NTRK1: variants seen among roughly 807,000 people sequenced by gnomAD.
The protein encoded by NTRK1 is neurotrophic receptor tyrosine kinase 1, also known as high affinity nerve growth factor receptor.
Under a neutral mutation model 86.8 loss-of-function variants are expected in NTRK1, and 62 were observed. The observed-to-expected ratio is 0.71, with a 90% confidence interval of 0.58 to 0.88. The LOEUF (loss-of-function observed/expected upper bound fraction) is 0.88. Ranked by LOEUF, NTRK1 falls within the 40% of genes least tolerant of loss-of-function variation. NTRK1 has a pLI of 0.00. For synonymous variants in NTRK1, 469 were observed against 456.6 expected (o/e 1.03, Z -0.35); for missense variants, 967 against 1,078.4 (o/e 0.90, Z 1.45).
chr1:156,815,967 G>A, intron 1 of NTRK1: 2 of 1,557,252 alleles, frequency 1.3e-6, no homozygotes, highest in Non-Finnish European at 1.7e-6. Context: ...GGAGAGATGA[G>A]GGAGCTGCAC....
rs1558104298 is a variant in NTRK1, at chr1:156,873,906, T to C, written c.1124T>C (p.Met375Thr). 1 of 1,570,740 alleles carries C rather than the reference T, an allele frequency of 6.4e-7. No homozygotes were observed. The highest frequency in any genetic ancestry group is 2.4e-5 in the East Asian group (1 of 42,286). ...TTCGGCCAGGCCTCCGCCTCCATCA[T>C]GGCTGCCTTCATGGACAACCCTTTC... is the stretch of plus-strand genomic sequence containing the variant. ...NPFGQASASI[M>T]AAFMDNPFEF... Residue 375 changes from methionine to threonine, a missense_variant, in exon 8 of 17, where the codon ATG becomes ACG. Transcript: ENST00000524377.
chr1:156,857,334 C>T (rs762854171), upstream of NTRK1, among the ~76,000 whole-genome samples: 17 of 152,120 alleles, frequency 1.1e-4, no homozygotes, highest in Admixed American at 3.9e-4. Flanking sequence ...TTCTCTCAGG[C>T]GCCCACTTCC....
At chr1:156,831,282 G>A (rs939280504) in intron 1 of NTRK1, among the ~76,000 whole-genome samples, 1 of 152,204 alleles carries the variant, frequency 6.6e-6, no homozygotes, top group African/African-American at 2.4e-5. Flanking sequence ...GCAGGAGCAC[G>A]CTGGGTCAGA....
intron 1 of NTRK1, among the ~76,000 whole-genome samples, chr1:156,830,797 C>T (rs1654450983): frequency 6.6e-6 from 1 of 152,108 alleles, no homozygotes; most frequent in African/African-American, 2.4e-5. Flanking sequence ...TCAGGTGATC[C>T]GGCCACCTCG....
At position 156,854,431 on chromosome 1, in the gene NTRK1, G is replaced by C. The variant is rs1655341068; in HGVS notation, c.51-9923G>C. The C allele has an allele frequency of 2.9e-6, 3 of 1,020,956 alleles. No individual in the cohort carries two copies. Among genetic ancestry groups the C allele is most frequent in the African/African-American group, 3.2e-5 (2 of 61,850 alleles). 63.2% of individuals were successfully genotyped at this position (1,020,956 alleles called of 1,614,324 possible). ...AGTGAGGAGCCGGGCTCTGCTCTGG[G>C]TGTGGGGTGGCCTCCTTCCTGGGCC... On this transcript the variant is annotated intron_variant, in intron 2 of 16. Transcript: ENST00000392302. This position sits in a 1 kb window ranked among gnomAD's most constrained non-coding sequence, Gnocchi z 4.2.
At chr1:156,863,680 G>GTGTA (rs1553260701) in intron 1 of NTRK1, among the ~76,000 whole-genome samples, 5 of 152,014 alleles carry the variant, frequency 3.3e-5, no homozygotes, top group African/African-American at 1.2e-4. Context: ...GTGTGTGTGT[G>GTGTA]TATGTCTGTG....
intron 2 of NTRK1, chr1:156,844,600 G>C (rs747426217): frequency 3.7e-6 from 6 of 1,614,186 alleles, no homozygotes; most frequent in Non-Finnish European, 5.1e-6. Flanking sequence ...TATCGAAGAC[G>C]GGACACACAC....
intron 3 of NTRK1, among the ~76,000 whole-genome samples, chr1:156,865,663 C>A (rs1655896568): frequency 6.6e-6 from 1 of 152,192 alleles, no homozygotes. Context: ...TATTACCCAT[C>A]TGTGGCCTGG....
At chr1:156,822,678 C>T (rs184563518) in intron 1 of NTRK1, among the ~76,000 whole-genome samples, 7 of 148,882 alleles carry the variant, frequency 4.7e-5, no homozygotes, top group East Asian at 4.0e-4. Flanking sequence ...AATTGATATT[C>T]GTCATTTCCC....
At chr1:156,874,736 G>A (rs2102910975) in intron 10 of NTRK1, 110 bp downstream of exon 10, 2 of 1,310,584 alleles carry the variant, frequency 1.5e-6, no homozygotes, top group African/African-American at 1.5e-5. Flanking sequence ...CATCTGGCCT[G>A]AGCTCTGACG....
At chr1:156,880,719 G>T (rs531996943) in intron 16 of NTRK1, among the ~76,000 whole-genome samples, 18 of 152,318 alleles carry the variant, frequency 1.2e-4, no homozygotes, top group Admixed American at 4.6e-4. Flanking sequence ...CTGGTGGGGT[G>T]GGGGAGAGGG....
At chr1:156,817,476 G>T (rs1435812281) in intron 1 of NTRK1, among the ~76,000 whole-genome samples, 2 of 151,662 alleles carry the variant, frequency 1.3e-5, no homozygotes, top group Non-Finnish European at 2.9e-5. Flanking sequence ...AAGACAAGGG[G>T]TTAGAGAGGA....
At chr1:156,815,922 T>C (rs1653866038) in intron 1 of NTRK1, 15 of 1,610,032 alleles carry the variant, frequency 9.3e-6, no homozygotes, top group East Asian at 6.7e-5. Context: ...GGAGTGGCCT[T>C]TGTCCATCTG....
chr1:156,869,406 A>C (rs1647410986), intron 6 of NTRK1, among the ~76,000 whole-genome samples: 1 of 150,770 alleles, frequency 6.6e-6, no homozygotes, highest in East Asian at 2.0e-4. Flanking sequence ...GGAAACTGGA[A>C]CCCAGGGAGG....
At chr1:156,823,925 T>C (rs993891202) in intron 1 of NTRK1, among the ~76,000 whole-genome samples, 1 of 152,130 alleles carries the variant, frequency 6.6e-6, no homozygotes, top group Non-Finnish European at 1.5e-5. Flanking sequence ...TTGGTGGGCA[T>C]AATTTGCGTC....
intron 2 of NTRK1, chr1:156,849,424 T>C (rs74118779): frequency 0.031 from 49,321 of 1,611,934 alleles, 1,296 homozygotes; most frequent in African/African-American, 0.14. Flanking sequence ...CTAGCTGTTG[T>C]AGGTTCTGGT....
At chr1:156,866,766 C>CT (rs1405836878) in intron 3 of NTRK1, 144 bp from the exon 4 acceptor site, 1 of 729,662 alleles carries the variant, frequency 1.4e-6, no homozygotes, top group East Asian at 3.1e-5. Flanking sequence ...CACACACTGC[C>CT]TTCCAGGGCT....
Position 156,880,094 on chromosome 1 carries a change from C to G in NTRK1, c.2142C>G (p.Gly714=), listed in dbSNP as rs145139769. Residue 714 remains glycine, a synonymous_variant, in exon 16 of 17, where the codon GGC becomes GGG. Transcript: ENST00000524377. ...FTTESDVWSF[G]VVLWEIFTYG... ...CCGAGAGCGACGTGTGGAGCTTCGG[C>G]GTGGTGCTCTGGGAGATCTTCACCT... is the stretch of plus-strand genomic sequence containing the variant. The G allele has an allele frequency of 6.2e-7, 1 of 1,613,404 alleles. No homozygotes were observed. The highest frequency in any genetic ancestry group is 8.5e-7 in the Non-Finnish European group (1 of 1,179,886).
In NTRK1 at chr1:156,860,869, G is replaced by T; in HGVS notation, c.-66G>T. 1 of 1,388,400 alleles carries T rather than the reference G, an allele frequency of 7.2e-7. No homozygotes were observed. The highest frequency in any genetic ancestry group is 9.2e-7 in the Non-Finnish European group (1 of 1,082,624). 86.0% of individuals were successfully genotyped at this position (1,388,400 alleles called of 1,614,324 possible). ...CCGCCCAGCGCACATGTCGGGGGAG[G>T]CCTGGCAGCTGCAGCTGGGAGCGCA... On this transcript the variant is annotated 5_prime_UTR_variant, in exon 1 of 17. Transcript: ENST00000524377.
Sources: allele counts gnomAD v4.1 joint callset (sites outside exome capture counted in the v4.1 genomes callset), GRCh38; gene constraint gnomAD v4.1.1; non-coding constraint Gnocchi (gnomAD v3.1); transcripts MANE v1.5; gene names NCBI Gene and HGNC (gene_info 2026-07-23, HGNC 2026-07-21).